MALRD1: variants seen among roughly 807,000 people sequenced by gnomAD.
The protein encoded by MALRD1 is MAM and LDL receptor class A domain containing 1.
A neutral mutation model predicts 242.1 loss-of-function variants in MALRD1; 247 were observed. The ratio of observed to expected loss-of-function variants is 1.02; its 90% CI spans 0.92 to 1.13. The LOEUF (loss-of-function observed/expected upper bound fraction) is 1.13. Ranked by LOEUF, MALRD1 falls within the 50% of genes most tolerant of loss-of-function variation. MALRD1 has a pLI of 0.00. For missense variants in MALRD1, 2,989 were observed against 2,533.1 expected (o/e 1.18, Z -3.86); for synonymous variants, 995 against 866.6 (o/e 1.15, Z -2.60).
chr10:19,670,581 G>C (rs933892391), intron 36 of MALRD1, among the ~76,000 whole-genome samples: 4 of 152,104 alleles, frequency 2.6e-5, no homozygotes, highest in Admixed American at 2.6e-4. Context: ...GCTTCCAACA[G>C]ATTCGTCTTA....
intron 32 of MALRD1, among the ~76,000 whole-genome samples, chr10:19,559,490 T>G (rs1835869105): frequency 1.3e-5 from 2 of 152,146 alleles, no homozygotes; most frequent in African/African-American, 4.8e-5. Context: ...AATTTTTAAT[T>G]GAAATAGAAT....
intron 29 of MALRD1, chr10:19,491,015 TAG>T (rs1400849525): frequency 5.1e-6 from 1 of 196,370 alleles, no homozygotes; most frequent in Non-Finnish European, 1.1e-5. Context: ...TCAGCAGAAA[TAG>T]ACAGTTGCTT....
At chr10:19,206,091 A>G (rs1836770504) in intron 17 of MALRD1, among the ~76,000 whole-genome samples, 1 of 150,194 alleles carries the variant, frequency 6.7e-6, no homozygotes, top group Non-Finnish European at 1.5e-5. Context: ...TAAATTATGC[A>G]ATTTATTAAA....
At chr10:19,720,131 T>C (rs1259216329) in intron 38 of MALRD1, among the ~76,000 whole-genome samples, 1 of 152,188 alleles carries the variant, frequency 6.6e-6, no homozygotes, top group Non-Finnish European at 1.5e-5. Flanking sequence ...CTATAAATTA[T>C]AAGCTTGGTG....
chr10:19,129,338 A>G (rs1837380912), intron 8 of MALRD1, among the ~76,000 whole-genome samples: 2 of 152,146 alleles, frequency 1.3e-5, no homozygotes, highest in South Asian at 4.1e-4. Context: ...TTAGTATTAA[A>G]AATGTAGTTG....
chr10:19,730,140 C>T (rs1564575585), intron 38 of MALRD1, among the ~76,000 whole-genome samples: 2 of 152,120 alleles, frequency 1.3e-5, no homozygotes, highest in Non-Finnish European at 2.9e-5. Context: ...TGTGATATTA[C>T]CAAGGGCTTG....
At chr10:19,597,241 G>A (rs1210428346) in intron 34 of MALRD1, among the ~76,000 whole-genome samples, 1 of 152,150 alleles carries the variant, frequency 6.6e-6, no homozygotes, top group Non-Finnish European at 1.5e-5. Context: ...TCCCATCAGA[G>A]CTCTAATGTA....
intron 21 of MALRD1, among the ~76,000 whole-genome samples, chr10:19,307,286 G>T (rs547551944): frequency 3.3e-5 from 5 of 151,382 alleles, no homozygotes; most frequent in Admixed American, 2.6e-4. Context: ...TTGTCTAAGG[G>T]GGATACTTGA....
At chr10:19,125,286 TTTCTTTCCTTCCTTCCTTCC>T (rs1229793350) in intron 7 of MALRD1, among the ~76,000 whole-genome samples, 2,840 of 111,508 alleles carry the variant, frequency 0.025, 231 homozygotes, top group Admixed American at 0.13. Context: ...TCTTTCTTTC[TTTCTTTCCTTCCTTCCTTCC>T]TTCCTTCCTT....
intron 38 of MALRD1, among the ~76,000 whole-genome samples, chr10:19,694,489 C>A (rs1388881120): frequency 3.3e-5 from 5 of 152,248 alleles, no homozygotes; most frequent in Non-Finnish European, 7.4e-5. Flanking sequence ...TCATCACTGG[C>A]CATCAGAGAA....
chr10:19,123,135 A>G (rs777811173), intron 5 of MALRD1, among the ~76,000 whole-genome samples: 16 of 152,162 alleles, frequency 1.1e-4, no homozygotes, highest in Non-Finnish European at 2.2e-4. Flanking sequence ...CACATGTACA[A>G]CTGTCCTTCA....
chr10:19,448,456 A>C (rs1355619563), intron 28 of MALRD1, among the ~76,000 whole-genome samples: 1 of 152,142 alleles, frequency 6.6e-6, no homozygotes, highest in Non-Finnish European at 1.5e-5. Context: ...TCTTTGCCAA[A>C]TATCCATCAT....
chr10:19,537,691 C>G (rs914800099), intron 32 of MALRD1, among the ~76,000 whole-genome samples: 5 of 152,150 alleles, frequency 3.3e-5, no homozygotes, highest in African/African-American at 9.7e-5. Context: ...TGGAAAGTTT[C>G]ATAGCTACCT....
At chr10:19,456,428 G>A (rs1040822063) in intron 29 of MALRD1, among the ~76,000 whole-genome samples, 1 of 152,142 alleles carries the variant, frequency 6.6e-6, no homozygotes, top group African/African-American at 2.4e-5. Context: ...GTGAAAAATA[G>A]TGGCATGATG....
At chr10:19,722,683 A>G (rs1003349282) in intron 38 of MALRD1, 4 of 150,494 alleles carry the variant, frequency 2.7e-5, no homozygotes, top group Non-Finnish European at 4.4e-5. Context: ...TGTTCTTTAT[A>G]CCAATGTCCT....
At chr10:19,521,373 G>A (rs1452377876) in intron 31 of MALRD1, among the ~76,000 whole-genome samples, 1 of 151,824 alleles carries the variant, frequency 6.6e-6, no homozygotes, top group African/African-American at 2.4e-5. Context: ...AAGCATCACA[G>A]TTCTCTCTGA....
upstream of MALRD1, among the ~76,000 whole-genome samples, chr10:19,047,358 GT>G (rs5783644): frequency 1.0e-3 from 17 of 16,572 alleles, no homozygotes; most frequent in South Asian, 2.7e-3. Context: ...TTAATTAGGT[GT>G]GTGTGTGTGT....
intron 26 of MALRD1, among the ~76,000 whole-genome samples, chr10:19,387,103 G>A (rs573430284): frequency 7.9e-5 from 12 of 152,072 alleles, no homozygotes; most frequent in Admixed American, 5.2e-4. Flanking sequence ...TAGAGTGGAC[G>A]GATGCTAATG....
At chr10:19,256,282 T>G (rs1041061474) in intron 18 of MALRD1, among the ~76,000 whole-genome samples, 1 of 152,104 alleles carries the variant, frequency 6.6e-6, no homozygotes, top group Non-Finnish European at 1.5e-5. Flanking sequence ...TTGTGCCTTT[T>G]CCCCAACTGT....
Sources: allele counts gnomAD v4.1 joint callset (sites outside exome capture counted in the v4.1 genomes callset), GRCh38; gene constraint gnomAD v4.1.1; transcripts MANE v1.5; gene names NCBI Gene and HGNC (gene_info 2026-07-23, HGNC 2026-07-21).